The following SMC2 variants were observed in gnomAD, a reference collection of about 807,000 sequenced individuals.
SMC2 encodes structural maintenance of chromosomes protein 2.
Under a neutral mutation model 142.6 loss-of-function variants are expected in SMC2, and 41 were observed. The observed-to-expected ratio is 0.29, with a 90% confidence interval of 0.22 to 0.37. The LOEUF (loss-of-function observed/expected upper bound fraction) is 0.37. Ranked by LOEUF, SMC2 falls within the 10% of genes least tolerant of loss-of-function variation. The pLI is 1.00. For missense variants in SMC2, 1,265 were observed against 1,373.7 expected (o/e 0.92, Z 1.25); for synonymous variants, 463 against 457.5 (o/e 1.01, Z -0.15).
chr9:104,109,924 G>A (rs1415180660), intron 9 of SMC2, among the ~76,000 whole-genome samples: 4 of 152,156 alleles, frequency 2.6e-5, no homozygotes, highest in Non-Finnish European at 5.9e-5. Context: ...GTAAACAAAT[G>A]TAAAGATGCA....
chr9:104,122,965 C>T, intron 16 of SMC2, 143 bp from the exon 17 acceptor site: 1 of 788,116 alleles, frequency 1.3e-6, no homozygotes, highest in Non-Finnish European at 1.8e-6. Context: ...TGAAAGCCGT[C>T]AAAATTATTC....
intron 13 of SMC2, among the ~76,000 whole-genome samples, chr9:104,115,997 A>G (rs769170025): frequency 6.6e-6 from 1 of 150,486 alleles, no homozygotes; most frequent in Non-Finnish European, 1.5e-5. Context: ...ACTTAGCATC[A>G]TGTCCTCTGG....
chr9:104,114,620 C>T, intron 12 of SMC2, 71 bp from the exon 13 acceptor site: 1 of 1,350,504 alleles, frequency 7.4e-7, no homozygotes, highest in African/African-American at 1.5e-5. Flanking sequence ...CAAAAGAGCT[C>T]CTGATGAGTA....
intron 10 of SMC2, 134 bp downstream of exon 10, chr9:104,111,948 A>G: frequency 1.5e-6 from 1 of 645,880 alleles, no homozygotes; most frequent in Non-Finnish European, 2.6e-6. Context: ...TTTATTCTGC[A>G]ACTCTAATGC....
At chr9:104,101,858 A>G in intron 7 of SMC2, 102 bp from the exon 8 acceptor site, 1 of 700,812 alleles carries the variant, frequency 1.4e-6, no homozygotes, top group African/African-American at 1.8e-5. Flanking sequence ...TTAATACAGG[A>G]CAAAATCTAT....
At chr9:104,138,992 A>G (rs1206425119) in intron 24 of SMC2, 147 bp from the exon 25 acceptor site, 4 of 461,578 alleles carry the variant, frequency 8.7e-6, no homozygotes, top group Non-Finnish European at 1.5e-5. Flanking sequence ...CTAAAACAAT[A>G]TGGACAGCTA....
Position 104,140,586 on chromosome 9 carries a change from A to G in SMC2, c.*1271A>G, listed in dbSNP as rs1158412710. 6.6e-6 allele frequency: 1 copy of G among 152,554 alleles called. No homozygotes were observed. The highest frequency in any genetic ancestry group is 1.5e-5 in the Non-Finnish European group (1 of 68,022). The allele number at this position is 152,554 out of a possible 1,614,324, so 9.5% of individuals were successfully genotyped here. Reference sequence around the variant, plus strand: ...ACCCTTCATTCTCCATACATATGAGATGTCAGAAAACATGCAGTAATTGAT... The same window carrying G: ...ACCCTTCATTCTCCATACATATGAGGTGTCAGAAAACATGCAGTAATTGAT... On this transcript the variant is annotated 3_prime_UTR_variant, in exon 25 of 25. Coordinates refer to ENST00000374793, the MANE Select transcript of SMC2 (RefSeq NM_006444.3).
At chr9:104,133,250 T>C (rs982864328) in intron 22 of SMC2, among the ~76,000 whole-genome samples, 1 of 152,106 alleles carries the variant, frequency 6.6e-6, no homozygotes, top group African/African-American at 2.4e-5. Context: ...TTCTTCTCTG[T>C]CCATTCTCTT....
intron 9 of SMC2, among the ~76,000 whole-genome samples, chr9:104,106,075 A>G (rs955580549): frequency 1.3e-5 from 2 of 152,124 alleles, no homozygotes; most frequent in Non-Finnish European, 2.9e-5. Flanking sequence ...GGATGTTGGT[A>G]CCACCTCACT....
At position 104,099,692 on chromosome 9, in the gene SMC2, C is replaced by T; in HGVS notation, c.480+10C>T. ...TATGAAACCTCCAGAGGTAAGAGTA[C>T]TATTTATGGACATTAAAAATAGTTG... On this transcript the variant is annotated intron_variant, in intron 5 of 24. Transcript: ENST00000374793. 1 of 1,515,854 alleles carries T rather than the reference C, an allele frequency of 6.6e-7. No homozygotes were observed. Among genetic ancestry groups the T allele is most frequent in the Non-Finnish European group, 9.2e-7 (1 of 1,092,748 alleles). 93.9% of individuals were successfully genotyped at this position (1,515,854 alleles called of 1,614,324 possible).
At position 104,101,831 on chromosome 9, in the gene SMC2, TA is replaced by T. The variant is rs1831161552; in HGVS notation, c.637-125del. ...ATGTTACGTAAAGTTTCCTACAATT[TA>T]AAATGCTATAATTGTTTAATACAGG... On this transcript the variant is annotated intron_variant, in intron 7 of 24. Coordinates refer to ENST00000374793, the MANE Select transcript of SMC2 (RefSeq NM_006444.3). The T allele has an allele frequency of 3.4e-5, 20 of 579,910 alleles. No homozygotes were observed. In the South Asian group the frequency reaches 4.6e-4, roughly 13 times the overall value. 35.9% of individuals were successfully genotyped at this position (579,910 alleles called of 1,614,324 possible).
Position 104,098,580 on chromosome 9 carries a change from G to A in SMC2, c.441+12G>A. 6.3e-7 allele frequency: 1 copy of A among 1,582,218 alleles called. No homozygotes were observed. The highest frequency in any genetic ancestry group is 8.6e-7 in the Non-Finnish European group (1 of 1,169,478). ...TTCTCATCATGCAGGTATTTCGTTT[G>A]AGGTCTTTATATCACTTTCGTAATA... is the stretch of plus-strand genomic sequence containing the variant. On this transcript the variant is annotated intron_variant, in intron 4 of 24. Coordinates refer to ENST00000374793, the MANE Select transcript of SMC2 (RefSeq NM_006444.3).
At chr9:104,089,803 C>T (rs905442210), upstream of SMC2, among the ~76,000 whole-genome samples, 6 of 152,086 alleles carry the variant, frequency 3.9e-5, no homozygotes, top group African/African-American at 1.4e-4. Flanking sequence ...CATGCATCAC[C>T]ACACCCAGCT....
At chr9:104,122,674 AAGT>A (rs1379435559) in intron 16 of SMC2, among the ~76,000 whole-genome samples, 1 of 152,158 alleles carries the variant, frequency 6.6e-6, no homozygotes, top group Non-Finnish European at 1.5e-5. Flanking sequence ...CTTACACTAA[AAGT>A]AGGGAACATT....
Position 104,141,032 on chromosome 9 carries a change from A to G in SMC2, c.*1717A>G, listed in dbSNP as rs988429402. 9.2e-5 allele frequency: 14 copies of G among 152,152 alleles called. No homozygotes were observed. The East Asian group carries it at 2.7e-3, about 29-fold the overall frequency. 9.4% of individuals were successfully genotyped at this position (152,152 alleles called of 1,614,324 possible). ...TCTTGATCTTTGAAAACCCTCAAAC[A>G]TGTATTAAATTGTTGTAACTTTTTT... On this transcript the variant is annotated 3_prime_UTR_variant, in exon 25 of 25. Coordinates refer to ENST00000374793, the MANE Select transcript of SMC2 (RefSeq NM_006444.3).
intron 9 of SMC2, among the ~76,000 whole-genome samples, chr9:104,109,932 G>A (rs1832237047): frequency 6.6e-6 from 1 of 152,150 alleles, no homozygotes; most frequent in African/African-American, 2.4e-5. Context: ...ATGTAAAGAT[G>A]CAATATTAAA....
At chr9:104,088,709 T>C in the SMC2 span, among the ~76,000 whole-genome samples, 8 of 152,200 alleles carry the variant, frequency 5.3e-5, no homozygotes, top group East Asian at 1.9e-4. Context: ...TTCTGTGCCA[T>C]TGACTGTGCA....
At chr9:104,091,457 T>C (rs939805642), upstream of SMC2, among the ~76,000 whole-genome samples, 1 of 152,172 alleles carries the variant, frequency 6.6e-6, no homozygotes, top group African/African-American at 2.4e-5. Context: ...GACATTGAAA[T>C]ATTATGTGGT....
At chr9:104,118,726 G>T (rs1339549713) in intron 15 of SMC2, among the ~76,000 whole-genome samples, 1 of 152,120 alleles carries the variant, frequency 6.6e-6, no homozygotes, top group Non-Finnish European at 1.5e-5. Context: ...GTCCAATACA[G>T]TAGCCACTAG....
Sources: gnomAD v4.1 joint callset for allele counts (sites outside exome capture counted in the v4.1 genomes callset) on GRCh38, gnomAD v4.1.1 for gene constraint, MANE v1.5 for transcripts, NCBI Gene and HGNC (gene_info 2026-07-23, HGNC 2026-07-21) for gene names.